PRMT3: variants seen among roughly 807,000 people sequenced by gnomAD.
PRMT3 encodes protein arginine methyltransferase 3.
A neutral mutation model predicts 71.9 loss-of-function variants in PRMT3; 62 were observed. That is an observed-to-expected ratio of 0.86 (90% CI 0.70 to 1.07). The LOEUF (loss-of-function observed/expected upper bound fraction) is 1.07, where lower values mean the gene tolerates loss of function less well. Ranked by LOEUF, PRMT3 falls within the 50% of genes least tolerant of loss-of-function variation. The pLI is 0.00. For missense variants in PRMT3, 663 were observed against 643.0 expected, an observed-to-expected ratio of 1.03 and a Z score of -0.34; for synonymous variants, 213 against 220.4, an observed-to-expected ratio of 0.97 and a Z score of 0.30.
Position 20,402,966 on chromosome 11 carries a change from A to G in PRMT3, c.753A>G (p.Pro251=). The change falls in exon 8 of 16, where the codon CCA becomes CCG. Residue 251 remains proline (P), a synonymous_variant. Transcript: ENST00000331079. The part of the protein sequence containing the change: ...ESYRDFIYQN[P]HIFKDKVVLD... ...ACCGAGATTTCATATACCAAAATCC[A>G]CATATCTTCAAAGACAAGGTAAGTA... 1 of 1,603,132 alleles carries G rather than the reference A, an allele frequency of 6.2e-7. No homozygotes were observed. Among genetic ancestry groups the G allele is most frequent in the African/African-American group, 1.3e-5 (1 of 74,762 alleles).
chr11:20,408,084 T>C (rs756571970), intron 9 of PRMT3, 52 bp downstream of exon 9: 1 of 1,311,676 alleles, frequency 7.6e-7, no homozygotes, highest in Non-Finnish European at 1.0e-6. Flanking sequence ...TTAATGATTA[T>C]TTAATAGATT....
At chr11:20,480,727 T>TTGAC (rs1204637707) in intron 13 of PRMT3, among the ~76,000 whole-genome samples, 2 of 152,098 alleles carry the variant, frequency 1.3e-5, no homozygotes, top group African/African-American at 4.8e-5. Flanking sequence ...AGAGATAAAA[T>TTGAC]TGACAGGACT....
At chr11:20,489,352 T>C (rs183363351) in intron 13 of PRMT3, among the ~76,000 whole-genome samples, 4 of 152,320 alleles carry the variant, frequency 2.6e-5, no homozygotes, top group East Asian at 3.9e-4. Flanking sequence ...CAACAAGATA[T>C]ATACGTGAGA....
chr11:20,441,591 G>A (rs907227297), intron 10 of PRMT3, among the ~76,000 whole-genome samples: 1 of 151,918 alleles, frequency 6.6e-6, no homozygotes, highest in African/African-American at 2.4e-5. Context: ...ACAGGCTTGA[G>A]CCACCGCGCC....
Position 20,387,742 on chromosome 11 carries a change from C to T in PRMT3, c.-5C>T, listed in dbSNP as rs2133288023. ...GACACGCCGGGCTCTCGGGGCACCA[C>T]AGCCATGTGCTCGTTAGCGTCAGGC... On this transcript the variant is annotated 5_prime_UTR_variant, in exon 1 of 16. Transcript: ENST00000331079. The surrounding 1 kb of genome is among the most constrained non-coding windows in gnomAD (Gnocchi z 4.3). 6.5e-7 allele frequency: 1 copy of T among 1,539,524 alleles called. No homozygotes were observed. The highest frequency in any genetic ancestry group is 8.7e-7 in the Non-Finnish European group (1 of 1,145,458).
chr11:20,435,083 T>G (rs1286197913), intron 10 of PRMT3, among the ~76,000 whole-genome samples: 1 of 152,228 alleles, frequency 6.6e-6, no homozygotes, highest in Admixed American at 6.5e-5. Flanking sequence ...TTTTGTTGTT[T>G]GTGCTTTTGA....
chr11:20,458,901 T>G (rs919863150), intron 11 of PRMT3, among the ~76,000 whole-genome samples: 1 of 152,220 alleles, frequency 6.6e-6, no homozygotes, highest in Admixed American at 6.5e-5. Flanking sequence ...TTTTAGTAAG[T>G]TACAATTTTT....
At chr11:20,500,132 G>A (rs537653141) in intron 15 of PRMT3, among the ~76,000 whole-genome samples, 1 of 152,254 alleles carries the variant, frequency 6.6e-6, no homozygotes, top group African/African-American at 2.4e-5. Context: ...GATTGAACTT[G>A]TGATTTAAAA....
chr11:20,476,066 A>C (rs114426006), intron 13 of PRMT3, among the ~76,000 whole-genome samples: 119 of 151,802 alleles, frequency 7.8e-4, no homozygotes, highest in Non-Finnish European at 2.8e-4. Context: ...CAAATAAAAC[A>C]TGGCGGGGCA....
At chr11:20,393,166 C>T (rs1021440757) in intron 5 of PRMT3, among the ~76,000 whole-genome samples, 167 bp downstream of exon 5, 6 of 152,148 alleles carry the variant, frequency 3.9e-5, no homozygotes, top group Admixed American at 6.5e-5. Flanking sequence ...AACTAATAGT[C>T]GGCCAGGTGT....
At chr11:20,494,133 C>A in intron 14 of PRMT3, 34 bp from the exon 15 acceptor site, 4 of 1,547,120 alleles carry the variant, frequency 2.6e-6, no homozygotes, top group Non-Finnish European at 3.6e-6. Flanking sequence ...AAATCTTGTA[C>A]TTCATCAAAT....
chr11:20,467,804 G>T (rs1025330190), intron 13 of PRMT3, among the ~76,000 whole-genome samples: 1 of 152,114 alleles, frequency 6.6e-6, no homozygotes, highest in Non-Finnish European at 1.5e-5. Flanking sequence ...TAACTCTAAC[G>T]TGAGCTTGAC....
intron 13 of PRMT3, among the ~76,000 whole-genome samples, chr11:20,492,281 A>G (rs919490568): frequency 6.6e-6 from 1 of 152,238 alleles, no homozygotes; most frequent in Non-Finnish European, 1.5e-5. Context: ...AAATAAGAAA[A>G]CAGTTGAATT....
At chr11:20,459,493 T>A (rs1343851146) in intron 11 of PRMT3, among the ~76,000 whole-genome samples, 2 of 152,200 alleles carry the variant, frequency 1.3e-5, no homozygotes, top group Non-Finnish European at 2.9e-5. Flanking sequence ...CCATGCTCAT[T>A]TGTTTATATA....
At chr11:20,457,926 T>G (rs1359540458) in intron 11 of PRMT3, among the ~76,000 whole-genome samples, 2 of 152,208 alleles carry the variant, frequency 1.3e-5, no homozygotes, top group Non-Finnish European at 2.9e-5. Flanking sequence ...CAAAGCATAT[T>G]ACAGCTATAT....
At chr11:20,468,163 A>G (rs1049960894) in intron 13 of PRMT3, among the ~76,000 whole-genome samples, 1 of 152,224 alleles carries the variant, frequency 6.6e-6, no homozygotes, top group East Asian at 1.9e-4. Flanking sequence ...AATAAGAGGA[A>G]GAGATTGGGC....
intron 9 of PRMT3, among the ~76,000 whole-genome samples, chr11:20,421,786 T>C (rs1386247324): frequency 6.6e-6 from 1 of 152,210 alleles, no homozygotes; most frequent in African/African-American, 2.4e-5. Context: ...GGCCCCGTGC[T>C]TGTTAACTGA....
intron 10 of PRMT3, among the ~76,000 whole-genome samples, chr11:20,432,307 T>C (rs2133359712): frequency 6.6e-6 from 1 of 152,226 alleles, no homozygotes; most frequent in Non-Finnish European, 1.5e-5. Flanking sequence ...ATTTTATCAG[T>C]AATACTGTTT....
intron 13 of PRMT3, among the ~76,000 whole-genome samples, chr11:20,476,595 G>C (rs1184203977): frequency 1.3e-5 from 2 of 152,166 alleles, no homozygotes; most frequent in Non-Finnish European, 2.9e-5. Context: ...AAAGCTTGAA[G>C]TATGGTAGTC....
Sources: allele counts gnomAD v4.1 joint callset (sites outside exome capture counted in the v4.1 genomes callset), GRCh38; gene constraint gnomAD v4.1.1; non-coding constraint Gnocchi (gnomAD v3.1); transcripts MANE v1.5; gene names NCBI Gene and HGNC (gene_info 2026-07-23, HGNC 2026-07-21).